Variants in NIPAL1 observed in about 807,000 individuals in gnomAD.
NIPAL1 encodes magnesium transporter NIPA3.
NIPAL1 carries 35 observed loss-of-function variants against 37.7 expected under a neutral mutation model. The ratio of observed to expected loss-of-function variants is 0.93; its 90% CI spans 0.71 to 1.23. The LOEUF (loss-of-function observed/expected upper bound fraction) is 1.23. NIPAL1 is among the 50% of genes most tolerant of loss of function. The pLI is 0.00. For missense variants in NIPAL1, 412 were observed against 473.9 expected, an observed-to-expected ratio of 0.87 and a Z score of 1.21; for synonymous variants, 162 against 183.0, an observed-to-expected ratio of 0.89 and a Z score of 0.93.
Position 48,033,046 on chromosome 4 carries a change from T to G in NIPAL1, c.424T>G (p.Leu142Val), listed in dbSNP as rs1715856351. Reference protein sequence around the residue: ...FAAYAFAPATLVTPLGALSVL... With the variant: ...FAAYAFAPATVVTPLGALSVL... ...TGCTTATGCTTTTGCACCTGCCACCTTGGTCACCCCTCTGGGTGCTTTGAG... is the reference window on the plus strand; with the variant it reads ...TGCTTATGCTTTTGCACCTGCCACCGTGGTCACCCCTCTGGGTGCTTTGAG... The change falls in exon 4 of 6, where the codon TTG becomes GTG. Residue 142 changes from leucine to valine, a missense_variant. By Grantham distance (32) the Leu-to-Val change is conservative. Transcript: ENST00000295461. 1.2e-6 allele frequency: 2 copies of G among 1,613,824 alleles called. No individual in the cohort carries two copies. Among genetic ancestry groups the G allele is most frequent in the Non-Finnish European group, 8.5e-7 (1 of 1,179,850 alleles).
intron 1 of NIPAL1, among the ~76,000 whole-genome samples, chr4:48,022,618 A>G (rs567913605): frequency 2.0e-5 from 3 of 152,254 alleles, no homozygotes; most frequent in Non-Finnish European, 4.4e-5. Context: ...ACATGAATGC[A>G]GCCATGGAAT....
chr4:48,035,940 C>A lies in NIPAL1; in HGVS notation c.1001C>A (p.Ala334Asp), dbSNP rs746972281. ...ILFQEWYGMT[A>D]GDIIGTLSGF... The stretch of plus-strand genomic sequence containing the variant: ...TTCCAAGAGTGGTATGGCATGACAG[C>A]TGGAGATATCATTGGGACCCTGAGT... The change falls in exon 6 of 6, where the codon GCT (alanine) becomes GAT (aspartate). Residue 334 changes from alanine (A) to aspartate (D), a missense_variant. Ala to Asp is a moderately radical substitution (Grantham distance 126, BLOSUM62 -2). Transcript: ENST00000295461. 30 of 1,613,772 alleles carry A rather than the reference C, an allele frequency of 1.9e-5. No homozygotes were observed. In the South Asian group the frequency reaches 3.3e-4, roughly 18 times the overall value.
Position 48,025,297 on chromosome 4 carries a change from C to A in NIPAL1, c.276C>A (p.Gly92=). ...IGSSFILKKK[G]LLQLASKGFT... is the part of the protein sequence containing the mutation. ...CCAGCTTCATACTGAAAAAGAAGGG[C>A]CTCTTGCAACTGGCCAGCAAGGGCT... Residue 92 remains glycine (G), a synonymous_variant, in exon 2 of 6, where the codon GGC becomes GGA. Coordinates refer to ENST00000295461, the MANE Select transcript of NIPAL1 (RefSeq NM_207330.3). 1 of 1,614,122 alleles carries A rather than the reference C, an allele frequency of 6.2e-7. No homozygotes were observed. Among genetic ancestry groups the A allele is most frequent in the Non-Finnish European group, 8.5e-7 (1 of 1,180,010 alleles).
chr4:48,036,205 G>A lies in NIPAL1; in HGVS notation c.*33G>A, dbSNP rs1028010670. 3 of 1,547,982 alleles carry A rather than the reference G, an allele frequency of 1.9e-6. No homozygotes were observed. Among genetic ancestry groups the A allele is most frequent in the African/African-American group, 2.8e-5 (2 of 71,380 alleles). On this transcript the variant is annotated 3_prime_UTR_variant, in exon 6 of 6. Coordinates refer to ENST00000295461, the MANE Select transcript of NIPAL1 (RefSeq NM_207330.3). ...AGAAACACTGAGTTTTAACCAATATGAGACACACGAAGAGGAAAATGAATG... is the reference window on the plus strand; with the variant it reads ...AGAAACACTGAGTTTTAACCAATATAAGACACACGAAGAGGAAAATGAATG...
At chr4:48,030,585 G>A (rs1007132571) in intron 3 of NIPAL1, among the ~76,000 whole-genome samples, 7 of 152,156 alleles carry the variant, frequency 4.6e-5, no homozygotes, top group African/African-American at 1.7e-4. Context: ...AGGACAACAC[G>A]GATAAGTGAA....
At chr4:48,017,804 A>G (rs927507541) in intron 1 of NIPAL1, among the ~76,000 whole-genome samples, 5 of 152,174 alleles carry the variant, frequency 3.3e-5, no homozygotes, top group Non-Finnish European at 7.3e-5. Context: ...GAAGGGAGGC[A>G]GTGAAAGGCA....
chr4:48,028,877 C>T (rs567713067), intron 2 of NIPAL1, among the ~76,000 whole-genome samples: 58 of 152,280 alleles, frequency 3.8e-4, no homozygotes, highest in African/African-American at 1.3e-3. Context: ...AACCATCTTA[C>T]ACTAGTCAGA....
intron 2 of NIPAL1, among the ~76,000 whole-genome samples, chr4:48,028,572 A>ATTTGTCAC (rs1715746041): frequency 6.6e-6 from 1 of 152,166 alleles, no homozygotes; most frequent in Non-Finnish European, 1.5e-5. Flanking sequence ...AAAATAGACA[A>ATTTGTCAC]ATGTGACCTA....
intron 3 of NIPAL1, among the ~76,000 whole-genome samples, chr4:48,030,688 C>T (rs984195687): frequency 6.6e-5 from 10 of 152,152 alleles, no homozygotes; most frequent in Middle Eastern, 3.2e-3. Context: ...GAGGATTAAA[C>T]GAGACTTTAC....
chr4:48,022,433 A>C (rs1482280108), intron 1 of NIPAL1, among the ~76,000 whole-genome samples: 1 of 152,240 alleles, frequency 6.6e-6, no homozygotes, highest in Non-Finnish European at 1.5e-5. Context: ...TGCAAAATGC[A>C]ACAGTGATCA....
rs1345793811 is a variant in NIPAL1, at chr4:48,038,194, G to A, written c.*2022G>A. On this transcript the variant is annotated 3_prime_UTR_variant, in exon 6 of 6. Coordinates refer to ENST00000295461, the MANE Select transcript of NIPAL1 (RefSeq NM_207330.3). ...TATAGTCTTTTCAGCATAGTTTAGT[G>A]TTGAGTGCAATTCTAATGCATTCTA... 2.0e-5 allele frequency: 3 copies of A among 152,206 alleles called. No individual in the cohort carries two copies. The highest frequency in any genetic ancestry group is 4.4e-5 in the Non-Finnish European group (3 of 68,032). 9.4% of individuals were successfully genotyped at this position (152,206 alleles called of 1,614,324 possible).
chr4:48,021,874 T>A (rs1228275292), intron 1 of NIPAL1, among the ~76,000 whole-genome samples: 1 of 129,198 alleles, frequency 7.7e-6, no homozygotes, highest in African/African-American at 2.8e-5. Flanking sequence ...AACTGGCTGG[T>A]TGATACATTG....
rs764151026 is a variant in NIPAL1, at chr4:48,036,213, C to T, written c.*41C>T. 4.1e-5 allele frequency: 62 copies of T among 1,524,922 alleles called. 1 individual carries two copies. The highest frequency in any genetic ancestry group is 1.7e-4 in the South Asian group (13 of 76,104). 94.5% of individuals were successfully genotyped at this position (1,524,922 alleles called of 1,614,324 possible). ...TGAGTTTTAACCAATATGAGACACACGAAGAGGAAAATGAATGCTTGCTTC... is the reference window on the plus strand; with the variant it reads ...TGAGTTTTAACCAATATGAGACACATGAAGAGGAAAATGAATGCTTGCTTC... On this transcript the variant is annotated 3_prime_UTR_variant, in exon 6 of 6. Coordinates refer to ENST00000295461, the MANE Select transcript of NIPAL1 (RefSeq NM_207330.3).
chr4:48,036,894 C>T lies in NIPAL1; in HGVS notation c.*722C>T, dbSNP rs1560326655. ...CGTGAGCCCAGATTGCGCCATTGTG[C>T]TCCAGCCTGGGTGACAAAGCAAGGC... On this transcript the variant is annotated 3_prime_UTR_variant, in exon 6 of 6. Transcript: ENST00000295461. 6.5e-6 allele frequency: 1 copy of T among 153,352 alleles called. No homozygotes were observed. Among genetic ancestry groups the T allele is most frequent in the South Asian group, 2.0e-4 (1 of 4,890 alleles). The allele number at this position is 153,352 out of a possible 1,614,324, so 9.5% of individuals were successfully genotyped here. A position where few individuals can be genotyped will look rare whatever the true frequency, so the allele number is the denominator to read the frequency against.
Position 48,029,991 on chromosome 4 carries a change from T to A in NIPAL1, c.314-129T>A, listed in dbSNP as rs1036592950. ...TTTGGAAATGACCAAGTAAATAAGC[T>A]AAGAGACTTTAGATTTACTGACTTA... On this transcript the variant is annotated intron_variant, in intron 2 of 5. Transcript: ENST00000295461. 13 of 552,624 alleles carry A rather than the reference T, an allele frequency of 2.4e-5. No homozygotes were observed. In the East Asian group the frequency reaches 4.0e-4, roughly 17 times the overall value. The allele number at this position is 552,624 out of a possible 1,614,324, so 34.2% of individuals were successfully genotyped here. A position where few individuals can be genotyped will look rare whatever the true frequency, so the allele number is the denominator to read the frequency against.
Position 48,036,301 on chromosome 4 carries a change from A to T in NIPAL1, c.*129A>T. 1.2e-6 allele frequency: 1 copy of T among 810,998 alleles called. No individual in the cohort carries two copies. The highest frequency in any genetic ancestry group is 1.9e-6 in the Non-Finnish European group (1 of 527,112). The allele number at this position is 810,998 out of a possible 1,614,324, so 50.2% of individuals were successfully genotyped here. Reference sequence around the variant, plus strand: ...TCTAACTAATTTAGATGTGAGGCCAAGTAAAAATGCCATTTTTTTGGCCAT... The same window carrying T: ...TCTAACTAATTTAGATGTGAGGCCATGTAAAAATGCCATTTTTTTGGCCAT... On this transcript the variant is annotated 3_prime_UTR_variant, in exon 6 of 6. Transcript: ENST00000295461.
intron 1 of NIPAL1, among the ~76,000 whole-genome samples, chr4:48,021,436 A>G (rs1715565268): frequency 1.3e-5 from 2 of 152,256 alleles, no homozygotes; most frequent in Admixed American, 1.3e-4. Context: ...ACACCTGTAC[A>G]TAGAAGATAA....
In NIPAL1 at chr4:48,038,410, C is replaced by T. The variant is rs1406042224; in HGVS notation, c.*2238C>T. 2 of 152,084 alleles carry T rather than the reference C, an allele frequency of 1.3e-5. No individual in the cohort carries two copies. Among genetic ancestry groups the T allele is most frequent in the Admixed American group, 6.6e-5 (1 of 15,256 alleles). 9.4% of individuals were successfully genotyped at this position (152,084 alleles called of 1,614,324 possible). A position where few individuals can be genotyped will look rare whatever the true frequency, so the allele number is the denominator to read the frequency against. ...CCTGTAATTCCAACACTTTGGGGGG[C>T]TCAGGTGGGAGGATTTCTAGTCCCC... On this transcript the variant is annotated 3_prime_UTR_variant, in exon 6 of 6. Transcript: ENST00000295461.
chr4:48,018,051 A>G (rs1176576704), intron 1 of NIPAL1, among the ~76,000 whole-genome samples: 1 of 152,186 alleles, frequency 6.6e-6, no homozygotes, highest in Non-Finnish European at 1.5e-5. Context: ...TTCACAAGCT[A>G]TTAAAAAAAA....
Sources: gnomAD v4.1 joint callset for allele counts (sites outside exome capture counted in the v4.1 genomes callset) on GRCh38, gnomAD v4.1.1 for gene constraint, MANE v1.5 for transcripts, NCBI Gene and HGNC (gene_info 2026-07-23, HGNC 2026-07-21) for gene names.